The following MAGI2 variants were observed in gnomAD, a reference collection of about 807,000 sequenced individuals.
The protein encoded by MAGI2 is membrane associated guanylate kinase, WW and PDZ domain containing 2, also known as membrane-associated guanylate kinase, WW and PDZ domain-containing protein 2.
A neutral mutation model predicts 133.3 loss-of-function variants in MAGI2; 35 were observed. That is an observed-to-expected ratio of 0.26 (90% confidence interval 0.20 to 0.35). The LOEUF is 0.35. Ranked by LOEUF, MAGI2 falls within the 10% of genes least tolerant of loss-of-function variation. The pLI is 1.00. For synonymous variants in MAGI2, 729 were observed against 710.6 expected, an observed-to-expected ratio of 1.03 and a Z score of -0.41; for missense variants, 1,636 against 1,863.4, an observed-to-expected ratio of 0.88 and a Z score of 2.25.
chr7:78,231,555 C>T (rs1789974755), intron 10 of MAGI2, among the ~76,000 whole-genome samples: 1 of 152,192 alleles, frequency 6.6e-6, no homozygotes, highest in African/African-American at 2.4e-5. Flanking sequence ...AGCACTGTAA[C>T]ACTTCTATGC....
chr7:78,168,529 T>C (rs919638463), intron 14 of MAGI2, among the ~76,000 whole-genome samples: 4 of 152,332 alleles, frequency 2.6e-5, no homozygotes, highest in Non-Finnish European at 5.9e-5. Context: ...AATAATCTGA[T>C]GCTAATTGGC....
intron 2 of MAGI2, among the ~76,000 whole-genome samples, chr7:78,902,879 A>G (rs1797710542): frequency 6.6e-6 from 1 of 152,156 alleles, no homozygotes; most frequent in Non-Finnish European, 1.5e-5. Flanking sequence ...GATATTGTAA[A>G]CAATACATGA....
At chr7:78,333,440 C>T (rs1789436819) in intron 9 of MAGI2, among the ~76,000 whole-genome samples, 1 of 152,306 alleles carries the variant, frequency 6.6e-6, no homozygotes, top group East Asian at 1.9e-4. Flanking sequence ...AAAAGGTTCC[C>T]CCTTCTCTTG....
At chr7:78,302,873 T>C (rs1797950199) in intron 9 of MAGI2, among the ~76,000 whole-genome samples, 1 of 152,186 alleles carries the variant, frequency 6.6e-6, no homozygotes, top group African/African-American at 2.4e-5. Context: ...ACTTTCCTCT[T>C]TGAAATCTCC....
chr7:78,561,731 G>T (rs56028221), intron 3 of MAGI2, among the ~76,000 whole-genome samples: 1 of 152,030 alleles, frequency 6.6e-6, no homozygotes, highest in Admixed American at 6.6e-5. Context: ...TTCAACCAAC[G>T]CAGGAAGCAA....
intron 1 of MAGI2, among the ~76,000 whole-genome samples, chr7:79,129,877 T>A (rs1186244564): frequency 6.6e-6 from 1 of 152,188 alleles, no homozygotes; most frequent in Non-Finnish European, 1.5e-5. Flanking sequence ...ATGCTGCACA[T>A]TTCTTGTAAA....
intron 20 of MAGI2, among the ~76,000 whole-genome samples, chr7:78,114,362 T>C (rs936734140): frequency 6.6e-6 from 1 of 152,200 alleles, no homozygotes; most frequent in African/African-American, 2.4e-5. Context: ...TATAACACTG[T>C]TTTACCCAAC....
intron 1 of MAGI2, among the ~76,000 whole-genome samples, chr7:79,166,890 A>G (rs550250532): frequency 9.6e-4 from 146 of 152,180 alleles, no homozygotes; most frequent in African/African-American, 3.3e-3. Context: ...TGAAATCAGT[A>G]CATGAGACCT....
chr7:79,015,777 C>G (rs1808639923), intron 1 of MAGI2, among the ~76,000 whole-genome samples: 2 of 151,958 alleles, frequency 1.3e-5, no homozygotes, highest in Non-Finnish European at 2.9e-5. Context: ...AACTGAAATG[C>G]ACAATTTATG....
Position 78,018,431 on chromosome 7 carries a change from T to C in MAGI2, c.*884A>G, listed in dbSNP as rs1369136831. The C allele has an allele frequency of 6.6e-6, 1 of 152,236 alleles. No individual in the cohort carries two copies. The highest frequency in any genetic ancestry group is 1.5e-5 in the Non-Finnish European group (1 of 68,028). 9.4% of individuals were successfully genotyped at this position (152,236 alleles called of 1,614,324 possible). ...GCTAGCCTGGGACGACAGAAAAGCCTCTTCATAAAGGAACTGCAGCGTTGC... is the reference window on the plus strand; with the variant it reads ...GCTAGCCTGGGACGACAGAAAAGCCCCTTCATAAAGGAACTGCAGCGTTGC... On this transcript the variant is annotated 3_prime_UTR_variant, in exon 22 of 22. Transcript: ENST00000354212.
At chr7:78,740,924 A>G (rs1183690395) in intron 2 of MAGI2, among the ~76,000 whole-genome samples, 1 of 152,202 alleles carries the variant, frequency 6.6e-6, no homozygotes, top group Non-Finnish European at 1.5e-5. Context: ...AGGCCTTGGA[A>G]ATAGAGAATG....
intron 3 of MAGI2, among the ~76,000 whole-genome samples, chr7:78,532,305 C>CT (rs1425384743): frequency 6.6e-6 from 1 of 152,208 alleles, no homozygotes; most frequent in Non-Finnish European, 1.5e-5. Flanking sequence ...CTAAAGTCAA[C>CT]AATTTCACTT....
intron 9 of MAGI2, among the ~76,000 whole-genome samples, chr7:78,273,428 C>T (rs1343247914): frequency 2.0e-5 from 3 of 151,916 alleles, no homozygotes; most frequent in African/African-American, 4.8e-5. Context: ...GGTTGCTCTT[C>T]TCGAGGAGTA....
chr7:79,191,714 T>C (rs17152038), intron 1 of MAGI2, among the ~76,000 whole-genome samples: 13,679 of 151,864 alleles, frequency 0.09, 1,552 homozygotes, highest in African/African-American at 0.25. Context: ...AGTTCTCATA[T>C]ATGTTTACTT....
At chr7:79,158,613 A>C (rs2129547528) in intron 1 of MAGI2, among the ~76,000 whole-genome samples, 1 of 152,208 alleles carries the variant, frequency 6.6e-6, no homozygotes, top group African/African-American at 2.4e-5. Flanking sequence ...ATGCTTATGA[A>C]ATATTGTTGG....
chr7:79,401,388 C>G (rs1301561506), intron 1 of MAGI2, among the ~76,000 whole-genome samples: 1 of 152,142 alleles, frequency 6.6e-6, no homozygotes, highest in Non-Finnish European at 1.5e-5. Flanking sequence ...CTGGCAATAT[C>G]AGTTTTCAGG....
chr7:78,334,686 C>T (rs1048057702), intron 9 of MAGI2, among the ~76,000 whole-genome samples: 15 of 152,282 alleles, frequency 9.9e-5, no homozygotes, highest in South Asian at 2.1e-4. Flanking sequence ...AATCTTCTTG[C>T]TACTACTACA....
intron 9 of MAGI2, among the ~76,000 whole-genome samples, chr7:78,305,098 G>A (rs556030684): frequency 6.6e-6 from 1 of 152,278 alleles, no homozygotes; most frequent in African/African-American, 2.4e-5. Context: ...ATTCAGAACT[G>A]AGCCTTGTTC....
At chr7:78,037,538 A>G (rs1043521436) in intron 21 of MAGI2, among the ~76,000 whole-genome samples, 4 of 152,208 alleles carry the variant, frequency 2.6e-5, no homozygotes, top group Middle Eastern at 3.2e-3. Flanking sequence ...TTTAGGGCTC[A>G]TATATAATGG....
Sources: allele counts gnomAD v4.1 joint callset (sites outside exome capture counted in the v4.1 genomes callset), GRCh38; gene constraint gnomAD v4.1.1; transcripts MANE v1.5; gene names NCBI Gene and HGNC (gene_info 2026-07-23, HGNC 2026-07-21).